The following LEF1 variants were observed in gnomAD, a reference collection of about 807,000 sequenced individuals.
The protein encoded by LEF1 is lymphoid enhancer binding factor 1.
A neutral mutation model predicts 51.2 loss-of-function variants in LEF1; 14 were observed. The ratio of observed to expected loss-of-function variants is 0.27; its 90% CI spans 0.18 to 0.43. The LOEUF is 0.43. Ranked by LOEUF, LEF1 falls within the 20% of genes least tolerant of loss-of-function variation. LEF1 has a pLI of 1.00. For synonymous variants in LEF1, 185 were observed against 183.2 expected, an observed-to-expected ratio of 1.01 and a Z score of -0.08; for missense variants, 386 against 512.0, an observed-to-expected ratio of 0.75 and a Z score of 2.37.
chr4:108,051,759 G>A (rs577342958), intron 11 of LEF1, among the ~76,000 whole-genome samples: 169 of 151,786 alleles, frequency 1.1e-3, no homozygotes, highest in African/African-American at 3.9e-3. Flanking sequence ...ATGCTCTCCT[G>A]GACCAAATTC....
rs770745649 is a variant in LEF1 at position 108,070,766 on chromosome 4, T to C, written c.1013A>G (p.His338Arg). ...AGCCTGCTCTTCACGGGAGAGGGCA[T>C]GCCACTAAAACAGAGAGGAAGGAAG... Reference protein sequence around the residue: ...AINQILGRRWHALSREEQAKY... With the variant: ...AINQILGRRWRALSREEQAKY... The change falls in exon 9 of 12, where the codon CAT becomes CGT. Residue 338 changes from histidine (H) to arginine (R), a missense_variant. By Grantham distance (29) the His-to-Arg change is conservative (BLOSUM62 0). This residue lies in a region of LEF1 where 51 missense variants were observed against 121.3 expected (regional missense o/e 0.42). Coordinates refer to ENST00000265165, the MANE Select transcript of LEF1 (RefSeq NM_016269.5). The C allele has an allele frequency of 6.2e-7, 1 of 1,609,728 alleles. No homozygotes were observed.
chr4:108,142,562 T>C (rs1188230314), intron 3 of LEF1, among the ~76,000 whole-genome samples: 1 of 152,250 alleles, frequency 6.6e-6, no homozygotes, highest in Admixed American at 6.5e-5. Flanking sequence ...TTTGGACTTA[T>C]GATTAAATAC....
chr4:108,085,725 T>A (rs1459184229), intron 4 of LEF1, among the ~76,000 whole-genome samples: 1 of 152,168 alleles, frequency 6.6e-6, no homozygotes, highest in Non-Finnish European at 1.5e-5. Flanking sequence ...TCTACTCTTC[T>A]TTCAAATGTT....
intron 11 of LEF1, among the ~76,000 whole-genome samples, chr4:108,051,964 G>A (rs945691186): frequency 1.3e-5 from 2 of 152,164 alleles, no homozygotes; most frequent in Non-Finnish European, 2.9e-5. Context: ...AAGGGAAAGG[G>A]GGAAACTCCT....
intron 10 of LEF1, among the ~76,000 whole-genome samples, chr4:108,064,120 C>T (rs1240837078): frequency 6.6e-6 from 1 of 152,118 alleles, no homozygotes; most frequent in East Asian, 1.9e-4. Context: ...TTCCAGGTGA[C>T]AGGGTTTGGG....
At chr4:108,155,868 T>A (rs1289237594) in intron 3 of LEF1, among the ~76,000 whole-genome samples, 1 of 152,180 alleles carries the variant, frequency 6.6e-6, no homozygotes, top group Non-Finnish European at 1.5e-5. Flanking sequence ...CTCTCCCTAA[T>A]TAAGGCTCAA....
At chr4:108,081,136 T>G (rs1322858067) in intron 6 of LEF1, among the ~76,000 whole-genome samples, 3 of 152,086 alleles carry the variant, frequency 2.0e-5, no homozygotes, top group African/African-American at 7.2e-5. Context: ...CTCTAGACTA[T>G]CTGGGCATTT....
intron 3 of LEF1, among the ~76,000 whole-genome samples, chr4:108,121,608 T>C (rs1240907932): frequency 3.3e-5 from 5 of 152,178 alleles, no homozygotes; most frequent in African/African-American, 1.2e-4. Context: ...TTGGATAACA[T>C]TTTCTGGCCA....
At chr4:108,078,045 C>CA (rs10712183) in intron 8 of LEF1, among the ~76,000 whole-genome samples, 175 bp downstream of exon 8, 1 of 150,978 alleles carries the variant, frequency 6.6e-6, no homozygotes, top group African/African-American at 2.5e-5. Context: ...GACGCTGTCT[C>CA]AAAAAAAAAG....
chr4:108,094,098 C>T (rs1013682794), intron 3 of LEF1, among the ~76,000 whole-genome samples: 3 of 152,188 alleles, frequency 2.0e-5, no homozygotes, highest in African/African-American at 7.2e-5. Context: ...ATTACCTGTA[C>T]ATCATGTGGC....
intron 3 of LEF1, among the ~76,000 whole-genome samples, chr4:108,160,804 C>A (rs189046799): frequency 6.6e-6 from 1 of 152,298 alleles, no homozygotes; most frequent in Admixed American, 6.5e-5. Flanking sequence ...AGAAACATTT[C>A]TCTGCATGCC....
chr4:108,053,688 T>C (rs1028158791), intron 11 of LEF1, among the ~76,000 whole-genome samples: 3 of 152,230 alleles, frequency 2.0e-5, no homozygotes, highest in African/African-American at 7.2e-5. Flanking sequence ...GTTTGTCTCC[T>C]CTGTGAGGAC....
chr4:108,124,374 ATTT>A (rs111874516), intron 3 of LEF1, among the ~76,000 whole-genome samples: 1 of 145,586 alleles, frequency 6.9e-6, no homozygotes, highest in Admixed American at 6.9e-5. Flanking sequence ...ATACATGAAC[ATTT>A]TTTTTTTTTT....
At chr4:108,067,308 C>T (rs2126270727) in intron 9 of LEF1, among the ~76,000 whole-genome samples, 1 of 152,182 alleles carries the variant, frequency 6.6e-6, no homozygotes, top group Non-Finnish European at 1.5e-5. Flanking sequence ...GAAGAGAGAG[C>T]AGATAGAGAA....
rs142191147 is a variant in LEF1, at chr4:108,136,282, T to C, written c.414+27286A>G. Among the ~76,000 whole-genome samples the C allele has an allele frequency of 3.3e-5, 5 of 152,324 alleles. No homozygotes were observed. The East Asian group carries it at 9.6e-4, about 29-fold the overall frequency. ...GGTTTAGCATGCTATAAAATTCGTA[T>C]CTTTCTTAACCATTTCTGCTTTGTC... On this transcript the variant is annotated intron_variant, in intron 3 of 11. Coordinates refer to ENST00000265165, the MANE Select transcript of LEF1 (RefSeq NM_016269.5).
At chr4:108,048,887 A>C in intron 11 of LEF1, 136 bp from the exon 12 acceptor site, 1 of 525,326 alleles carries the variant, frequency 1.9e-6, no homozygotes, top group Non-Finnish European at 3.1e-6. Flanking sequence ...GGGATGGCTA[A>C]AATGAATTGC....
intron 11 of LEF1, among the ~76,000 whole-genome samples, chr4:108,062,512 A>C (rs1038396246): frequency 1.3e-5 from 2 of 152,144 alleles, no homozygotes; most frequent in African/African-American, 4.8e-5. Flanking sequence ...ACTGGGGGCA[A>C]AGCTACAAGG....
chr4:108,054,188 G>C (rs1162384800), intron 11 of LEF1, among the ~76,000 whole-genome samples: 1 of 152,170 alleles, frequency 6.6e-6, no homozygotes, highest in African/African-American at 2.4e-5. Flanking sequence ...GGAAATCTCG[G>C]GCATGCACTC....
chr4:108,051,719 C>A (rs906963923), intron 11 of LEF1, among the ~76,000 whole-genome samples: 5 of 152,156 alleles, frequency 3.3e-5, no homozygotes, highest in African/African-American at 1.2e-4. Flanking sequence ...CACAAGACCC[C>A]ACCCCACCCC....
Sources: allele counts gnomAD v4.1 joint callset (sites outside exome capture counted in the v4.1 genomes callset), GRCh38; gene constraint gnomAD v4.1.1; regional missense constraint gnomAD v4.1.1; transcripts MANE v1.5; gene names NCBI Gene and HGNC (gene_info 2026-07-23, HGNC 2026-07-21).